SNX2: variants seen among roughly 807,000 people sequenced by gnomAD.
The protein encoded by SNX2 is sorting nexin-2.
SNX2 carries 25 observed loss-of-function variants against 69.9 expected under a neutral mutation model. The ratio of observed to expected loss-of-function variants is 0.36; its 90% CI spans 0.26 to 0.50. SNX2 has a LOEUF of 0.50. SNX2 is among the 20% of genes least tolerant of loss of function. The probability of loss-of-function intolerance (pLI) is 0.97; values close to 1 mark genes in which losing one functional copy is unlikely to be tolerated. For synonymous variants in SNX2, 229 were observed against 200.4 expected (o/e 1.14, Z -1.20); for missense variants, 551 against 613.3 (o/e 0.90, Z 1.07).
chr5:122,818,777 T>C (rs1581644494), intron 10 of SNX2, 41 bp from the exon 11 acceptor site: 1 of 1,524,458 alleles, frequency 6.6e-7, no homozygotes, highest in Non-Finnish European at 9.0e-7. Flanking sequence ...TAAAATTTTA[T>C]GAGTGAACAC....
Position 122,795,327 on chromosome 5 carries a change from A to G in SNX2, c.170A>G (p.Asn57Ser), listed in dbSNP as rs756473092. The change falls in exon 2 of 15, where the codon AAT becomes AGT. Residue 57 changes from asparagine to serine, a missense_variant. Asn to Ser is a conservative substitution (Grantham distance 46). This residue lies in a region of SNX2 where 191 missense variants were observed against 162.9 expected (regional missense o/e 1.17). Transcript: ENST00000379516. ...GCAGAAGATATTAGTGCAAACTCCA[A>G]TGGCCCAAAACCCACAGAAGTTGTA... Reference protein sequence around the residue: ...LPAEDISANSNGPKPTEVVLD... With the variant: ...LPAEDISANSSGPKPTEVVLD... The G allele has an allele frequency of 1.4e-5, 22 of 1,613,996 alleles. No homozygotes were observed. Among genetic ancestry groups the G allele is most frequent in the South Asian group, 5.5e-5 (5 of 91,068 alleles).
In SNX2 at chr5:122,775,184, G is replaced by T; in HGVS notation, c.81G>T (p.Leu27=). Residue 27 remains leucine, a synonymous_variant, in exon 1 of 15, where the codon CTG becomes CTT. Transcript: ENST00000379516. ...DFEDLEDGED[L]FTSTVSTLES... ...AGGATCTGGAGGACGGAGAGGACCTGTTCACCAGCACTGTCTCCACCCTAG... is the reference window on the plus strand; with the variant it reads ...AGGATCTGGAGGACGGAGAGGACCTTTTCACCAGCACTGTCTCCACCCTAG... The T allele has an allele frequency of 6.3e-7, 1 of 1,591,686 alleles. No individual in the cohort carries two copies. The highest frequency in any genetic ancestry group is 8.5e-7 in the Non-Finnish European group (1 of 1,170,786).
rs1219171221 is a variant in SNX2 at position 122,830,874 on chromosome 5, TG to T, written c.*1230del. ...AAATACAAAAATTCGCCTGGTGTGG[TG>T]GGGTGTGCTTGTGGTCCCAGCTACT... On this transcript the variant is annotated 3_prime_UTR_variant, in exon 15 of 15. Transcript: ENST00000379516. Among the ~76,000 whole-genome samples, 1 of 151,918 alleles carries T rather than the reference TG, an allele frequency of 6.6e-6. No individual in the cohort carries two copies. The highest frequency in any genetic ancestry group is 2.4e-5 in the African/African-American group (1 of 41,354).
intron 1 of SNX2, among the ~76,000 whole-genome samples, chr5:122,782,739 G>A (rs1753006086): frequency 6.6e-6 from 1 of 151,942 alleles, no homozygotes; most frequent in Non-Finnish European, 1.5e-5. Flanking sequence ...GTTTCGCCAT[G>A]TTAGCCAGGC....
chr5:122,802,213 T>C (rs1753533016), intron 5 of SNX2, 89 bp downstream of exon 5: 1 of 1,134,666 alleles, frequency 8.8e-7, no homozygotes, highest in African/African-American at 1.5e-5. Flanking sequence ...AAGTGATCCC[T>C]GTCTTTATAA....
chr5:122,826,903 T>A (rs577840109), intron 12 of SNX2, among the ~76,000 whole-genome samples: 168 of 152,188 alleles, frequency 1.1e-3, no homozygotes, highest in African/African-American at 3.8e-3. Context: ...AAAATATTTT[T>A]AAAATGTTTA....
rs1355903917 is a variant in SNX2, at chr5:122,818,985, C to A, written c.1174C>A (p.Leu392Ile). Residue 392 changes from leucine to isoleucine, a missense_variant, in exon 11 of 15, where the codon CTA becomes ATA. Transcript: ENST00000379516. ...AFADFYMFSELLSDYIRLIAA... is the reference protein window; with the variant it reads ...AFADFYMFSEILSDYIRLIAA... ...TGCTGACTTTTATATGTTTTCAGAA[C>A]TACTTAGTGACTACATTCGTCTTAT... 3 of 1,613,806 alleles carry A rather than the reference C, an allele frequency of 1.9e-6. No homozygotes were observed. Among genetic ancestry groups the A allele is most frequent in the Non-Finnish European group, 1.7e-6 (2 of 1,179,788 alleles).
At chr5:122,787,801 G>A (rs767343558) in intron 1 of SNX2, among the ~76,000 whole-genome samples, 9 of 152,064 alleles carry the variant, frequency 5.9e-5, no homozygotes, top group Non-Finnish European at 1.3e-4. Context: ...TTAAAACTAC[G>A]AGTACCCAAG....
rs201842483 is a variant in SNX2, at chr5:122,795,362, G to C, written c.205G>C (p.Asp69His). Residue 69 changes from aspartate (D) to histidine (H), a missense_variant, in exon 2 of 15, where the codon GAC becomes CAC. Asp to His is a moderately conservative substitution (Grantham distance 81, BLOSUM62 -1). Coordinates refer to ENST00000379516, the MANE Select transcript of SNX2 (RefSeq NM_003100.4). Reference sequence around the variant, plus strand: ...ACCCACAGAAGTTGTATTAGATGATGACAGAGAAGATCTTTTTGCAGGTAA... The same window carrying C: ...ACCCACAGAAGTTGTATTAGATGATCACAGAGAAGATCTTTTTGCAGGTAA... ...PKPTEVVLDD[D>H]REDLFAEATE... 13 of 1,610,782 alleles carry C rather than the reference G, an allele frequency of 8.1e-6. No homozygotes were observed. The highest frequency in any genetic ancestry group is 3.3e-4 in the Middle Eastern group (2 of 6,052).
In SNX2 at chr5:122,816,939, G is replaced by T; in HGVS notation, c.823G>T (p.Ala275Ser). The T allele has an allele frequency of 1.2e-6, 2 of 1,613,156 alleles. No individual in the cohort carries two copies. The highest frequency in any genetic ancestry group is 1.7e-6 in the Non-Finnish European group (2 of 1,179,302). Residue 275 changes from alanine (A) to serine (S), a missense_variant, in exon 9 of 15, where the codon GCT becomes TCT. Physicochemically the swap from Ala to Ser is moderately conservative, Grantham distance 99. Around this residue, in one of 2 missense-constraint regions of SNX2, gnomAD observed 360 missense variants for 450.4 expected, o/e 0.80. Transcript: ENST00000379516. ...SELPRAVNTQ[A>S]LSGAGILRMV... Reference sequence around the variant, plus strand: ...GCTGCCTAGAGCAGTTAATACACAGGCTCTGAGTGGAGCAGGAATATTGAG... The same window carrying T: ...GCTGCCTAGAGCAGTTAATACACAGTCTCTGAGTGGAGCAGGAATATTGAG...
chr5:122,823,779 CGTGTGTGTGTGTGT>C lies in SNX2; in HGVS notation c.1213-2252_1213-2239del, dbSNP rs10559762. ...TGTCTTAAGCTTTCCAACATGTGGTCGTGTGTGTGTGTGTGTGTGTGTGTGTGTGTGTATGTGTA... is the reference window on the plus strand; with the variant it reads ...TGTCTTAAGCTTTCCAACATGTGGTCGTGTGTGTGTGTGTGTGTATGTGTA... On this transcript the variant is annotated intron_variant, in intron 11 of 14. Coordinates refer to ENST00000379516, the MANE Select transcript of SNX2 (RefSeq NM_003100.4). Among the ~76,000 whole-genome samples the C allele has an allele frequency of 7.5e-5, 11 of 145,930 alleles. 1 individual carries two copies. The highest frequency in any genetic ancestry group is 4.8e-4 in the Admixed American group (7 of 14,568).
intron 10 of SNX2, 145 bp from the exon 11 acceptor site, chr5:122,818,673 C>G: frequency 4.6e-6 from 3 of 656,546 alleles, no homozygotes; most frequent in Non-Finnish European, 5.0e-6. Context: ...ATTTTAACGA[C>G]TAATTGTTTC....
chr5:122,783,784 A>G (rs958790543), intron 1 of SNX2, among the ~76,000 whole-genome samples: 11 of 152,106 alleles, frequency 7.2e-5, no homozygotes, highest in Non-Finnish European at 1.2e-4. Context: ...TTTAGAATCA[A>G]TTTGTTGATT....
chr5:122,784,835 G>T (rs1440818617), intron 1 of SNX2, among the ~76,000 whole-genome samples: 1 of 152,138 alleles, frequency 6.6e-6, no homozygotes, highest in Non-Finnish European at 1.5e-5. Context: ...AATGTTGATA[G>T]AATTTACTAA....
chr5:122,799,741 A>G lies in SNX2; in HGVS notation c.276A>G (p.Leu92=). The change falls in exon 3 of 15, where the codon CTA becomes CTG. Residue 92 remains leucine, a synonymous_variant. Coordinates refer to ENST00000379516, the MANE Select transcript of SNX2 (RefSeq NM_003100.4). ...ACAGCCCTGAAAGGGAACCTATCCT[A>G]TCCTCGGAACCTTCTCCTGCAGTCA... ...SLDSPEREPI[L]SSEPSPAVTP... The G allele has an allele frequency of 5.0e-6, 8 of 1,613,726 alleles. No individual in the cohort carries two copies. The highest frequency in any genetic ancestry group is 6.8e-6 in the Non-Finnish European group (8 of 1,179,698).
rs147807592 is a variant in SNX2, at chr5:122,798,575, G to A, written c.227-1117G>A. ...CCATCTTGAACCTCTAAGAATCTAA[G>A]GACCTCAGGTTAGAAACCACTGGCC... On this transcript the variant is annotated intron_variant, in intron 2 of 14. Coordinates refer to ENST00000379516, the MANE Select transcript of SNX2 (RefSeq NM_003100.4). Among the ~76,000 whole-genome samples the A allele has an allele frequency of 3.0e-3, 450 of 152,148 alleles. 4 individuals are homozygous for A. Among genetic ancestry groups the A allele is most frequent in the Middle Eastern group, 0.017 (5 of 294 alleles).
chr5:122,782,639 C>T (rs1041096461), intron 1 of SNX2, among the ~76,000 whole-genome samples: 3 of 150,524 alleles, frequency 2.0e-5, no homozygotes, highest in Admixed American at 6.6e-5. Flanking sequence ...CCAGTTCAAG[C>T]GATTCTCCTG....
At chr5:122,778,951 G>C (rs1459097019) in intron 1 of SNX2, among the ~76,000 whole-genome samples, 2 of 152,100 alleles carry the variant, frequency 1.3e-5, no homozygotes, top group South Asian at 4.1e-4. Flanking sequence ...AAAAAAATCT[G>C]GCAAAAGCCT....
chr5:122,820,633 A>G lies in SNX2; in HGVS notation c.1212+1610A>G, dbSNP rs183204273. 4.9e-4 allele frequency among the ~76,000 whole-genome samples: 74 copies of G among 152,280 alleles called. 1 individual carries two copies. The highest frequency in any genetic ancestry group is 1.5e-3 in the African/African-American group (64 of 41,544). On this transcript the variant is annotated intron_variant, in intron 11 of 14. Coordinates refer to ENST00000379516, the MANE Select transcript of SNX2 (RefSeq NM_003100.4). ...CTGTGTAATGGATATTGATCCCTCAAAAATAGCTTTCCTCATACCCTAAGT... is the reference window on the plus strand; with the variant it reads ...CTGTGTAATGGATATTGATCCCTCAGAAATAGCTTTCCTCATACCCTAAGT...
Sources: gnomAD v4.1 joint callset for allele counts (sites outside exome capture counted in the v4.1 genomes callset) on GRCh38, gnomAD v4.1.1 for gene constraint, gnomAD v4.1.1 regional missense constraint, MANE v1.5 for transcripts, NCBI Gene and HGNC (gene_info 2026-07-23, HGNC 2026-07-21) for gene names.